The following FOXP2 variants were observed in gnomAD, a reference collection of about 807,000 sequenced individuals.
FOXP2 encodes forkhead box P2.
In FOXP2, 12 loss-of-function variants were observed where a neutral mutation model predicts 115.8. That is an observed-to-expected ratio of 0.10 (90% CI 0.07 to 0.17). The LOEUF (loss-of-function observed/expected upper bound fraction) is 0.17. FOXP2 is among the 10% of genes least tolerant of loss of function. FOXP2 has a pLI of 1.00. For synonymous variants in FOXP2, 328 were observed against 297.7 expected, an observed-to-expected ratio of 1.10 and a Z score of -1.05; for missense variants, 629 against 843.5, an observed-to-expected ratio of 0.75 and a Z score of 3.15.
chr7:114,137,233 T>C (rs1046718014), intron 1 of FOXP2, among the ~76,000 whole-genome samples: 1 of 152,126 alleles, frequency 6.6e-6, no homozygotes, highest in Admixed American at 6.5e-5. Context: ...AAAGAGAGAA[T>C]AATATAGTTG....
At chr7:114,594,943 G>A (rs891096227) in intron 3 of FOXP2, among the ~76,000 whole-genome samples, 3 of 151,990 alleles carry the variant, frequency 2.0e-5, no homozygotes, top group Non-Finnish European at 4.4e-5. Context: ...TCAGAACCAA[G>A]TAGAGGTAGA....
intron 1 of FOXP2, chr7:114,088,379 C>A (rs1035663891): frequency 2.0e-5 from 3 of 152,212 alleles, no homozygotes; most frequent in African/African-American, 7.2e-5. Flanking sequence ...TAAAGAGCTA[C>A]CTCCCAACAT....
intron 2 of FOXP2, among the ~76,000 whole-genome samples, chr7:114,292,343 A>G (rs796820499): frequency 6.6e-6 from 1 of 152,178 alleles, no homozygotes; most frequent in South Asian, 2.1e-4. Context: ...TTATTTTCAT[A>G]GAGTTTTCTT....
intron 1 of FOXP2, among the ~76,000 whole-genome samples, chr7:114,253,151 G>T (rs1795500220): frequency 6.6e-6 from 1 of 152,176 alleles, no homozygotes; most frequent in African/African-American, 2.4e-5. Flanking sequence ...ATTGTGGTCT[G>T]AGAGACAGTT....
At chr7:114,435,596 G>A (rs1346215134) in intron 2 of FOXP2, among the ~76,000 whole-genome samples, 1 of 152,152 alleles carries the variant, frequency 6.6e-6, no homozygotes. Context: ...GGAGTGCAAT[G>A]GCGTGATCTT....
At chr7:114,125,199 A>T (rs1156541513) in intron 1 of FOXP2, among the ~76,000 whole-genome samples, 1 of 152,138 alleles carries the variant, frequency 6.6e-6, no homozygotes, top group Non-Finnish European at 1.5e-5. Context: ...TATGTCTAGC[A>T]CTAGATGAAA....
Position 114,663,111 on chromosome 7 carries a change from T to C in FOXP2, c.1770-339T>C, listed in dbSNP as rs558810304. On this transcript the variant is annotated intron_variant, in intron 14 of 16. Coordinates refer to ENST00000350908, the MANE Select transcript of FOXP2 (RefSeq NM_014491.4). Reference sequence around the variant, plus strand: ...TTGCATCAAATTGGTAATTGTATTGTATATTTACATTTTAAAAATTTTGTA... The same window carrying C: ...TTGCATCAAATTGGTAATTGTATTGCATATTTACATTTTAAAAATTTTGTA... Among the ~76,000 whole-genome samples the C allele has an allele frequency of 1.6e-4, 25 of 152,272 alleles. 1 individual carries two copies. The East Asian group carries it at 4.6e-3, about 28-fold the overall frequency.
intron 2 of FOXP2, among the ~76,000 whole-genome samples, chr7:114,326,572 A>G (rs1797561679): frequency 6.6e-6 from 1 of 152,164 alleles, no homozygotes; most frequent in Non-Finnish European, 1.5e-5. Context: ...CTCTGCTTTC[A>G]TTGCAAGGGG....
intron 2 of FOXP2, among the ~76,000 whole-genome samples, chr7:114,344,412 C>G (rs1484758362): frequency 2.6e-5 from 4 of 151,800 alleles, no homozygotes; most frequent in Non-Finnish European, 5.9e-5. Context: ...AGACGATTCC[C>G]CATTGTATGC....
intron 1 of FOXP2, among the ~76,000 whole-genome samples, chr7:114,120,972 A>G (rs938232353): frequency 6.6e-6 from 1 of 152,072 alleles, no homozygotes; most frequent in Non-Finnish European, 1.5e-5. Context: ...GGACACCAGC[A>G]GATTTCTCAA....
chr7:114,273,117 C>A (rs1461382471), intron 1 of FOXP2, among the ~76,000 whole-genome samples: 3 of 151,820 alleles, frequency 2.0e-5, no homozygotes, highest in African/African-American at 7.3e-5. Flanking sequence ...TACTTTATCC[C>A]ACACATTTTG....
At chr7:114,402,738 C>G (rs1351651272) in intron 2 of FOXP2, among the ~76,000 whole-genome samples, 2 of 151,944 alleles carry the variant, frequency 1.3e-5, no homozygotes, top group African/African-American at 4.8e-5. Flanking sequence ...GCAATCCTCC[C>G]GCCTCAGCCC....
chr7:114,549,215 A>G (rs1398389645), intron 3 of FOXP2, among the ~76,000 whole-genome samples: 1 of 152,202 alleles, frequency 6.6e-6, no homozygotes, highest in Admixed American at 6.5e-5. Flanking sequence ...TTGTTCCCAC[A>G]TAAACCCCAG....
At chr7:114,443,004 G>T (rs1221525677) in intron 2 of FOXP2, among the ~76,000 whole-genome samples, 2 of 152,134 alleles carry the variant, frequency 1.3e-5, no homozygotes, top group Non-Finnish European at 2.9e-5. Flanking sequence ...TATCAGAAGA[G>T]CAAAGAACTG....
chr7:114,108,697 G>C (rs1385364620), intron 1 of FOXP2, among the ~76,000 whole-genome samples: 4 of 151,858 alleles, frequency 2.6e-5, no homozygotes, highest in Non-Finnish European at 5.9e-5. Flanking sequence ...AATCATAATA[G>C]TTTCCTAGTT....
intron 2 of FOXP2, among the ~76,000 whole-genome samples, chr7:114,399,168 T>G (rs893724615): frequency 1.3e-5 from 2 of 150,482 alleles, no homozygotes; most frequent in Admixed American, 1.3e-4. Context: ...AGGGCGGTGG[T>G]GCCATCTTGA....
chr7:114,667,533 G>T (rs762122675), intron 16 of FOXP2: 3 of 152,072 alleles, frequency 2.0e-5, no homozygotes, highest in Non-Finnish European at 2.9e-5. Context: ...GAAGTTTTAG[G>T]CAATGAACAA....
At chr7:114,118,855 T>C (rs1791481852) in intron 1 of FOXP2, among the ~76,000 whole-genome samples, 3 of 151,592 alleles carry the variant, frequency 2.0e-5, no homozygotes. Flanking sequence ...TACTTAAGAG[T>C]GGATGATGGA....
chr7:114,629,703 C>A, intron 4 of FOXP2, 102 bp from the exon 5 acceptor site: 1 of 1,600,842 alleles, frequency 6.2e-7, no homozygotes, highest in Non-Finnish European at 8.5e-7. Flanking sequence ...TGGGATGAAT[C>A]TTAATGGATA....
Sources: allele counts gnomAD v4.1 joint callset (sites outside exome capture counted in the v4.1 genomes callset), GRCh38; gene constraint gnomAD v4.1.1; transcripts MANE v1.5; gene names NCBI Gene and HGNC (gene_info 2026-07-23, HGNC 2026-07-21).